Variants in DNAJC12 observed in about 807,000 individuals in gnomAD.
DNAJC12 encodes the protein dnaJ homolog subfamily C member 12.
Under a neutral mutation model 28.5 loss-of-function variants are expected in DNAJC12, and 25 were observed. That is an observed-to-expected ratio of 0.88 (90% CI 0.64 to 1.22). DNAJC12 has a LOEUF of 1.22. Ranked by LOEUF, DNAJC12 falls within the 50% of genes most tolerant of loss-of-function variation. The probability of loss-of-function intolerance (pLI) is 0.00; values close to 1 mark genes in which losing one functional copy is unlikely to be tolerated. For missense variants in DNAJC12, 222 were observed against 231.7 expected (o/e 0.96, Z 0.27); for synonymous variants, 77 against 80.6 (o/e 0.95, Z 0.24).
chr10:67,797,904 G>C (rs1359376087), intron 4 of DNAJC12, among the ~76,000 whole-genome samples: 1 of 152,000 alleles, frequency 6.6e-6, no homozygotes, highest in Non-Finnish European at 1.5e-5. Context: ...GCCGGGCGTG[G>C]TGGCGGGCGC....
At position 67,826,373 on chromosome 10, in the gene DNAJC12, A is replaced by G. The variant is rs533358523; in HGVS notation, c.79-2981T>C. On this transcript the variant is annotated intron_variant, in intron 1 of 4. Coordinates refer to ENST00000225171, the MANE Select transcript of DNAJC12 (RefSeq NM_021800.3). Reference sequence around the variant, plus strand: ...GGTCTTGAACTCCTGGGCCCAAGCAATCCGCCTGCCTTGGCCTCCCAAAGT... The same window carrying G: ...GGTCTTGAACTCCTGGGCCCAAGCAGTCCGCCTGCCTTGGCCTCCCAAAGT... 5.0e-3 allele frequency among the ~76,000 whole-genome samples: 754 copies of G among 151,014 alleles called. 3 individuals are homozygous for G. The highest frequency in any genetic ancestry group is 7.3e-3 in the Non-Finnish European group (497 of 67,840).
chr10:67,827,129 G>A (rs1842044804), intron 1 of DNAJC12, among the ~76,000 whole-genome samples: 1 of 151,834 alleles, frequency 6.6e-6, no homozygotes, highest in Non-Finnish European at 1.5e-5. Context: ...GCTCACGCCT[G>A]TAATCCCTGC....
intron 2 of DNAJC12, among the ~76,000 whole-genome samples, chr10:67,822,597 T>A (rs1841991246): frequency 6.6e-6 from 1 of 151,978 alleles, no homozygotes; most frequent in African/African-American, 2.4e-5. Context: ...CAAGCTTGGA[T>A]AGGTATAAGC....
At chr10:67,799,868 G>C (rs1841722590) in intron 4 of DNAJC12, among the ~76,000 whole-genome samples, 1 of 107,636 alleles carries the variant, frequency 9.3e-6, no homozygotes. Flanking sequence ...GGGCGACAGA[G>C]CGAGACTGTC....
chr10:67,803,988 T>G (rs940242780), intron 4 of DNAJC12, among the ~76,000 whole-genome samples: 1 of 152,178 alleles, frequency 6.6e-6, no homozygotes, highest in Non-Finnish European at 1.5e-5. Flanking sequence ...AAAGAGAGAT[T>G]TGAAGTGACT....
intron 1 of DNAJC12, among the ~76,000 whole-genome samples, chr10:67,836,950 T>A: frequency 6.7e-6 from 1 of 149,958 alleles, no homozygotes; most frequent in Non-Finnish European, 1.5e-5. Flanking sequence ...AATAACATGA[T>A]TTAATAATAT....
At chr10:67,805,844 T>C in intron 3 of DNAJC12, 57 bp from the exon 4 acceptor site, 5 of 1,380,078 alleles carry the variant, frequency 3.6e-6, no homozygotes, top group Admixed American at 2.6e-5. Flanking sequence ...TGATTTTCTA[T>C]ATTTAAAGTT....
At chr10:67,822,800 C>T (rs1841993347) in intron 2 of DNAJC12, among the ~76,000 whole-genome samples, 1 of 150,738 alleles carries the variant, frequency 6.6e-6, no homozygotes, top group Admixed American at 6.6e-5. Flanking sequence ...CCGGCCTGCC[C>T]AACATAGTGA....
At chr10:67,802,702 T>C (rs1841758663) in intron 4 of DNAJC12, among the ~76,000 whole-genome samples, 1 of 152,198 alleles carries the variant, frequency 6.6e-6, no homozygotes, top group South Asian at 2.1e-4. Flanking sequence ...TGTTATCAGC[T>C]GTTAAAAAGC....
chr10:67,815,508 C>CAAAAAA (rs762037586), intron 2 of DNAJC12, among the ~76,000 whole-genome samples: 109 of 64,874 alleles, frequency 1.7e-3, no homozygotes, highest in African/African-American at 3.0e-3. Context: ...TACTTCGTCT[C>CAAAAAA]AAAAAAAAAA....
intron 2 of DNAJC12, among the ~76,000 whole-genome samples, chr10:67,814,154 G>A (rs1841890986): frequency 1.3e-5 from 2 of 151,826 alleles, no homozygotes; most frequent in African/African-American, 2.4e-5. Flanking sequence ...CTAACATAAG[G>A]ATAGACATAC....
intron 1 of DNAJC12, 144 bp downstream of exon 1, chr10:67,837,790 G>T: frequency 1.7e-6 from 1 of 571,820 alleles, no homozygotes; most frequent in South Asian, 2.6e-5. Flanking sequence ...AACTTTCTCT[G>T]AGCCAAAAGT....
intron 2 of DNAJC12, among the ~76,000 whole-genome samples, chr10:67,817,333 T>G (rs1302066374): frequency 6.6e-6 from 1 of 152,178 alleles, no homozygotes; most frequent in Non-Finnish European, 1.5e-5. Flanking sequence ...GTAAGTGGAA[T>G]GGGAGCAATC....
chr10:67,837,091 A>G (rs1265964678), intron 1 of DNAJC12, among the ~76,000 whole-genome samples: 3 of 151,928 alleles, frequency 2.0e-5, no homozygotes, highest in Non-Finnish European at 4.4e-5. Flanking sequence ...ATATTTTGCA[A>G]CCACTAAAAA....
At chr10:67,828,664 C>CTT (rs1842061071) in intron 1 of DNAJC12, among the ~76,000 whole-genome samples, 1 of 151,082 alleles carries the variant, frequency 6.6e-6, no homozygotes, top group African/African-American at 2.4e-5. Flanking sequence ...TTTTCTCTCT[C>CTT]TCTCTCTCTC....
chr10:67,817,340 A>C lies in DNAJC12; in HGVS notation c.158-5677T>G, dbSNP rs747525182. Among the ~76,000 whole-genome samples the C allele has an allele frequency of 1.8e-3, 273 of 152,314 alleles. 1 individual carries two copies. Among genetic ancestry groups the C allele is most frequent in the Middle Eastern group, 3.4e-3 (1 of 294 alleles). On this transcript the variant is annotated intron_variant, in intron 2 of 4. Coordinates refer to ENST00000225171, the MANE Select transcript of DNAJC12 (RefSeq NM_021800.3). The stretch of plus-strand genomic sequence containing the variant: ...ACTAGACTGTAAGTGGAATGGGAGC[A>C]ATCCAGACAAACAAGCCTGTGTTTA...
At chr10:67,833,883 T>G (rs1158478418) in intron 1 of DNAJC12, 2 of 482,872 alleles carry the variant, frequency 4.1e-6, no homozygotes, top group Non-Finnish European at 8.5e-6. Context: ...TCAAAGTCTA[T>G]CAAAATCTGC....
intron 4 of DNAJC12, among the ~76,000 whole-genome samples, chr10:67,804,066 G>T (rs1458251300): frequency 2.0e-5 from 3 of 152,152 alleles, no homozygotes; most frequent in Admixed American, 2.0e-4. Flanking sequence ...AGTGTTCTAG[G>T]GTGTTCAGGA....
At chr10:67,806,197 C>A (rs1363585395) in intron 3 of DNAJC12, among the ~76,000 whole-genome samples, 1 of 152,186 alleles carries the variant, frequency 6.6e-6, no homozygotes, top group African/African-American at 2.4e-5. Context: ...ATAACTATTT[C>A]TTAAAACCTC....
Sources: allele counts gnomAD v4.1 joint callset (sites outside exome capture counted in the v4.1 genomes callset), GRCh38; gene constraint gnomAD v4.1.1; transcripts MANE v1.5; gene names NCBI Gene and HGNC (gene_info 2026-07-23, HGNC 2026-07-21).